Variants in SEC14L6 observed in about 807,000 individuals in gnomAD.
The protein encoded by SEC14L6 is SEC14-like protein 6.
In SEC14L6, 40 loss-of-function variants were observed where a neutral mutation model predicts 54.1. The ratio of observed to expected loss-of-function variants is 0.74; its 90% confidence interval spans 0.57 to 0.96. The LOEUF is 0.96. Among genes scored for constraint, SEC14L6 ranks in the 40% least tolerant of loss-of-function variants. The pLI is 0.00. For synonymous variants in SEC14L6, 171 were observed against 198.4 expected, an observed-to-expected ratio of 0.86 and a Z score of 1.16; for missense variants, 471 against 498.3, an observed-to-expected ratio of 0.95 and a Z score of 0.52.
intron 1 of SEC14L6, among the ~76,000 whole-genome samples, chr22:30,541,591 G>A (rs2085712808): frequency 6.6e-6 from 1 of 152,096 alleles, no homozygotes; most frequent in African/African-American, 2.4e-5. Flanking sequence ...CTGGTAGGCA[G>A]AGGCTGAAGT....
rs1307913204 is a variant in SEC14L6, at chr22:30,523,679, G to A, written c.*1318C>T. The A allele has an allele frequency of 6.6e-6, 1 of 152,160 alleles. No homozygotes were observed. Among genetic ancestry groups the A allele is most frequent in the African/African-American group, 2.4e-5 (1 of 41,416 alleles). 9.4% of individuals were successfully genotyped at this position (152,160 alleles called of 1,614,324 possible). A position where few individuals can be genotyped will look rare whatever the true frequency, so the allele number is the denominator to read the frequency against. ...GGCCAGTTTGAAATCTTAATCAGGA[G>A]ATTGGATGAAGATCCAGAGCTCAAG... On this transcript the variant is annotated 3_prime_UTR_variant, in exon 12 of 12. Transcript: ENST00000402034.
chr22:30,529,434 G>A (rs1396522839), intron 6 of SEC14L6, 85 bp from the exon 7 acceptor site: 6 of 1,113,342 alleles, frequency 5.4e-6, no homozygotes, highest in Non-Finnish European at 6.6e-6. Context: ...GGACCCAAGG[G>A]CACAGCCTTG....
chr22:30,546,542 G>T, intron 1 of SEC14L6, 87 bp downstream of exon 1: 2 of 1,292,928 alleles, frequency 1.5e-6, no homozygotes, highest in Non-Finnish European at 1.1e-6. Context: ...GGAGAGTTCA[G>T]AAGAAACTCA....
At position 30,532,605 on chromosome 22, in the gene SEC14L6, CT is replaced by C; in HGVS notation, c.342del (p.Ala115ProfsTer36). 6.4e-7 allele frequency: 1 copy of C among 1,550,640 alleles called. No individual in the cohort carries two copies. Among genetic ancestry groups the C allele is most frequent in the Non-Finnish European group, 8.7e-7 (1 of 1,147,008 alleles). ...TCCCTGAGCAACTCCTGTTTGGAGG[CT>C]GAGAGCAAGAGGCCTTTGGGGTCCA... is the stretch of plus-strand genomic sequence containing the variant. Reference protein sequence around the residue: ...GSLDPKGLLLSASKQELLRDS... With the variant: ...GSLDPKGLLLXASKQELLRDS... On this transcript the variant is annotated frameshift_variant, in exon 5 of 12. Transcript: ENST00000402034. LOFTEE classifies it high-confidence loss of function.
chr22:30,534,796 G>T (rs1937093444), intron 2 of SEC14L6, among the ~76,000 whole-genome samples: 1 of 152,242 alleles, frequency 6.6e-6, no homozygotes, highest in African/African-American at 2.4e-5. Flanking sequence ...AGGCCAAGGT[G>T]GGCAGATCAC....
chr22:30,534,040 C>T lies in SEC14L6; in HGVS notation c.131-1G>A, dbSNP rs1345235680. 1 of 1,550,884 alleles carries T rather than the reference C, an allele frequency of 6.4e-7. No homozygotes were observed. ...GATTTCTGCAGGTCAAAGCTCCGAG[C>T]TGCAACAAGAGACAGGGTTATGGTT... is the stretch of plus-strand genomic sequence containing the variant. On this transcript the variant is annotated splice_acceptor_variant, in intron 2 of 11. Transcript: ENST00000402034. LOFTEE classifies it high-confidence loss of function.
In SEC14L6 at chr22:30,524,343, G is replaced by A. The variant is rs933341057; in HGVS notation, c.*654C>T. On this transcript the variant is annotated 3_prime_UTR_variant, in exon 12 of 12. Transcript: ENST00000402034. ...ATGGTAATTATTTCCTGATCTGTCA[G>A]CTATACTATATTTCAAATTTCCTAT... The A allele has an allele frequency of 6.6e-6, 1 of 152,034 alleles. No homozygotes were observed. The highest frequency in any genetic ancestry group is 1.5e-5 in the Non-Finnish European group (1 of 68,016). 9.4% of individuals were successfully genotyped at this position (152,034 alleles called of 1,614,324 possible). A position where few individuals can be genotyped will look rare whatever the true frequency, so the allele number is the denominator to read the frequency against.
At chr22:30,542,808 C>G in intron 1 of SEC14L6, 2 of 1,594,708 alleles carry the variant, frequency 1.3e-6, no homozygotes, top group Non-Finnish European at 1.7e-6. Context: ...GGAAATTAAT[C>G]TACCATCAAA....
rs1371001054 is a variant in SEC14L6, at chr22:30,525,444, C to T, written c.987G>A (p.Arg329=). 1 of 1,614,200 alleles carries T rather than the reference C, an allele frequency of 6.2e-7. No individual in the cohort carries two copies. Among genetic ancestry groups the T allele is most frequent in the South Asian group, 1.1e-5 (1 of 91,088 alleles). Residue 329 remains arginine (R), a synonymous_variant, in exon 11 of 12, where the codon AGG becomes AGA. Coordinates refer to ENST00000402034, the MANE Select transcript of SEC14L6 (RefSeq NM_001193336.4). ...FLKTKMGERQ[R]AREMTEVLPS... ...GCAGCACCTCTGTCATCTCCCTAGC[C>T]CTCTGCCGCTCCCCCATCTTGGTCT...
At chr22:30,530,363 C>T (rs1568965841) in intron 6 of SEC14L6, among the ~76,000 whole-genome samples, 1 of 152,142 alleles carries the variant, frequency 6.6e-6, no homozygotes, top group Non-Finnish European at 1.5e-5. Context: ...TGAGCCACTG[C>T]ACTCTAGCCT....
intron 6 of SEC14L6, among the ~76,000 whole-genome samples, chr22:30,530,907 T>C (rs1032480537): frequency 5.9e-5 from 9 of 151,786 alleles, no homozygotes; most frequent in African/African-American, 9.7e-5. Flanking sequence ...TAGGCAGGTA[T>C]TGGGGGTGAG....
chr22:30,534,322 G>A (rs960652899), intron 2 of SEC14L6, among the ~76,000 whole-genome samples: 1 of 152,132 alleles, frequency 6.6e-6, no homozygotes, highest in Admixed American at 6.6e-5. Context: ...GAATCTGTCA[G>A]AATCATAAGG....
chr22:30,531,138 C>T (rs946372268), intron 6 of SEC14L6, among the ~76,000 whole-genome samples: 10 of 152,012 alleles, frequency 6.6e-5, no homozygotes, highest in African/African-American at 2.4e-4. Flanking sequence ...CCAGGTGCGG[C>T]GGTTCACACC....
At chr22:30,542,151 C>T (rs1364371581) in intron 1 of SEC14L6, among the ~76,000 whole-genome samples, 1 of 152,204 alleles carries the variant, frequency 6.6e-6, no homozygotes, top group Non-Finnish European at 1.5e-5. Context: ...GTCTCGCGAC[C>T]CTACCAGAAA....
intron 1 of SEC14L6, chr22:30,542,560 G>C: frequency 7.3e-7 from 1 of 1,377,980 alleles, no homozygotes; most frequent in Non-Finnish European, 9.4e-7. Context: ...CGCGGGCGGC[G>C]TAGCCGCGGC....
intron 1 of SEC14L6, chr22:30,542,573 A>T (rs891758490): frequency 3.3e-5 from 48 of 1,438,756 alleles, no homozygotes; most frequent in Non-Finnish European, 4.4e-5. Flanking sequence ...GCCGCGGCCC[A>T]TGGAGCCCGC....
intron 8 of SEC14L6, among the ~76,000 whole-genome samples, chr22:30,527,155 T>C (rs1304292296): frequency 1.3e-5 from 2 of 151,520 alleles, no homozygotes; most frequent in African/African-American, 2.4e-5. Flanking sequence ...TATACATATA[T>C]ATACACACAC....
At chr22:30,536,747 G>C (rs1032271045) in intron 2 of SEC14L6, among the ~76,000 whole-genome samples, 1 of 152,092 alleles carries the variant, frequency 6.6e-6, no homozygotes, top group South Asian at 2.1e-4. Context: ...ATAAATGGCC[G>C]GGCACAGTGG....
intron 6 of SEC14L6, among the ~76,000 whole-genome samples, chr22:30,529,733 C>T (rs562346204): frequency 3.9e-5 from 6 of 152,232 alleles, no homozygotes; most frequent in East Asian, 1.9e-4. Context: ...TGTGAGCCAC[C>T]GCACCTGGCC....
Sources: gnomAD v4.1 joint callset for allele counts (sites outside exome capture counted in the v4.1 genomes callset) on GRCh38, gnomAD v4.1.1 for gene constraint, MANE v1.5 for transcripts, NCBI Gene and HGNC (gene_info 2026-07-23, HGNC 2026-07-21) for gene names.